Variants in CMSS1 observed in about 807,000 individuals in gnomAD.
The protein encoded by CMSS1 is protein CMSS1.
A neutral mutation model predicts 43.5 loss-of-function variants in CMSS1; 33 were observed. That is an observed-to-expected ratio of 0.76 (90% CI 0.57 to 1.01). The LOEUF is 1.01. CMSS1 is among the 50% of genes least tolerant of loss of function. CMSS1 has a pLI of 0.00. For missense variants in CMSS1, 313 were observed against 326.4 expected, an observed-to-expected ratio of 0.96 and a Z score of 0.32; for synonymous variants, 115 against 117.2, an observed-to-expected ratio of 0.98 and a Z score of 0.12.
chr3:99,980,919 A>G (rs576290789), intron 1 of CMSS1, among the ~76,000 whole-genome samples: 14 of 152,124 alleles, frequency 9.2e-5, no homozygotes, highest in Non-Finnish European at 1.3e-4. Context: ...AAACCCTTCA[A>G]TACTGGCTAT....
chr3:100,058,899 T>A (rs2065511222), intron 1 of CMSS1, among the ~76,000 whole-genome samples: 1 of 152,254 alleles, frequency 6.6e-6, no homozygotes, highest in South Asian at 2.1e-4. Flanking sequence ...TTTCTGATCT[T>A]CTAACTTAAC....
chr3:99,854,842 AT>A (rs748752970), intron 1 of CMSS1, among the ~76,000 whole-genome samples: 7 of 152,308 alleles, frequency 4.6e-5, no homozygotes, highest in Non-Finnish European at 1.0e-4. Flanking sequence ...CCTGAATTAC[AT>A]GTACACCTGG....
chr3:99,844,458 G>A (rs891912141), intron 1 of CMSS1, among the ~76,000 whole-genome samples: 1 of 152,134 alleles, frequency 6.6e-6, no homozygotes, highest in Non-Finnish European at 1.5e-5. Context: ...CCAGGGTATA[G>A]GAAAAAGCTA....
chr3:99,987,596 G>T (rs1297247505), intron 1 of CMSS1, among the ~76,000 whole-genome samples: 3 of 151,380 alleles, frequency 2.0e-5, no homozygotes, highest in South Asian at 4.2e-4. Context: ...AACTAAGGGA[G>T]TTTGAACCCT....
intron 1 of CMSS1, among the ~76,000 whole-genome samples, chr3:99,915,234 T>A (rs1466172321): frequency 6.6e-6 from 1 of 152,182 alleles, no homozygotes; most frequent in Non-Finnish European, 1.5e-5. Flanking sequence ...TGATGAGAGA[T>A]TAATGGAAAA....
At chr3:100,054,164 A>G (rs1037135935) in intron 1 of CMSS1, among the ~76,000 whole-genome samples, 1 of 152,206 alleles carries the variant, frequency 6.6e-6, no homozygotes, top group African/African-American at 2.4e-5. Flanking sequence ...TTCCTTAACC[A>G]AAGTTGCCAT....
At chr3:99,909,938 T>TTCCCATTTTATAGATGGAAG (rs1368114649) in intron 1 of CMSS1, among the ~76,000 whole-genome samples, 9 of 138,556 alleles carry the variant, frequency 6.5e-5, no homozygotes, top group East Asian at 4.0e-4. Context: ...AGAGCTGTTG[T>TTCCCATTTTATAGATGGAAG]CATCTGACCA....
chr3:99,913,125 A>G (rs752825762), intron 1 of CMSS1, among the ~76,000 whole-genome samples: 2 of 152,218 alleles, frequency 1.3e-5, no homozygotes, highest in Non-Finnish European at 2.9e-5. Context: ...GGCCCTTACC[A>G]GAATACTTCT....
At chr3:99,971,206 G>A (rs1201404782) in intron 1 of CMSS1, among the ~76,000 whole-genome samples, 1 of 152,132 alleles carries the variant, frequency 6.6e-6, no homozygotes, top group Non-Finnish European at 1.5e-5. Flanking sequence ...CGGGCCTGGT[G>A]GCAGATGCCT....
intron 1 of CMSS1, among the ~76,000 whole-genome samples, chr3:100,071,800 C>T (rs2065768168): frequency 6.6e-6 from 1 of 152,188 alleles, no homozygotes; most frequent in Non-Finnish European, 1.5e-5. Flanking sequence ...CTGCCCTGGT[C>T]CCTTTTCCTG....
chr3:99,819,303 G>T (rs1405212709), intron 1 of CMSS1, among the ~76,000 whole-genome samples: 1 of 152,142 alleles, frequency 6.6e-6, no homozygotes, highest in Non-Finnish European at 1.5e-5. Flanking sequence ...TCTATTTTAT[G>T]ATATGATTGA....
At chr3:100,119,244 A>T (rs1427900111) in intron 1 of CMSS1, among the ~76,000 whole-genome samples, 1 of 152,106 alleles carries the variant, frequency 6.6e-6, no homozygotes, top group African/African-American at 2.4e-5. Context: ...TTGTCTATTT[A>T]TTTTGTTTCT....
chr3:99,850,927 G>T (rs529875731), intron 1 of CMSS1: 58 of 1,614,008 alleles, frequency 3.6e-5, no homozygotes, highest in Admixed American at 8.3e-5. Context: ...GAGCTGTGCC[G>T]TCAGCCTTTG....
chr3:100,161,547 T>C (rs1389905915), intron 3 of CMSS1, among the ~76,000 whole-genome samples: 1 of 151,788 alleles, frequency 6.6e-6, no homozygotes, highest in African/African-American at 2.4e-5. Context: ...ATGAGGATAT[T>C]GTAGAAGGAG....
At chr3:99,999,939 ATAAAGGTATCTCTAGACT>A (rs1709794293) in intron 1 of CMSS1, among the ~76,000 whole-genome samples, 1 of 152,196 alleles carries the variant, frequency 6.6e-6, no homozygotes, top group Non-Finnish European at 1.5e-5. Flanking sequence ...TTGTGTTGAC[ATAAAGGTATCTCTAGACT>A]CTAGAACAGT....
chr3:99,822,280 T>G (rs1228810954), intron 1 of CMSS1, among the ~76,000 whole-genome samples: 2 of 152,180 alleles, frequency 1.3e-5, no homozygotes, highest in African/African-American at 4.8e-5. Flanking sequence ...TTCTTAGCAG[T>G]CTGTAACATT....
chr3:100,156,369 C>G (rs191170403), intron 2 of CMSS1, among the ~76,000 whole-genome samples: 1 of 128,910 alleles, frequency 7.8e-6, no homozygotes, highest in Non-Finnish European at 1.5e-5. Flanking sequence ...AGTTCAGTGA[C>G]GCAATCTTGG....
At chr3:100,019,575 T>G (rs1408730627) in intron 1 of CMSS1, among the ~76,000 whole-genome samples, 1 of 152,242 alleles carries the variant, frequency 6.6e-6, no homozygotes, top group Non-Finnish European at 1.5e-5. Context: ...TCTATTTTAA[T>G]GTATTTAAAG....
rs184831788 is a variant in CMSS1, at chr3:99,950,475, A to G, written c.64+132432A>G. 5.3e-5 allele frequency among the ~76,000 whole-genome samples: 8 copies of G among 152,214 alleles called. No individual in the cohort carries two copies. The East Asian group carries it at 9.6e-4, about 18-fold the overall frequency. ...ATGATGCACATGTCCTATTCCTGAG[A>G]TTTTTTCACTTCTTTATATTATCTT... On this transcript the variant is annotated intron_variant, in intron 1 of 9. Transcript: ENST00000421999.
Sources: allele counts gnomAD v4.1 joint callset (sites outside exome capture counted in the v4.1 genomes callset), GRCh38; gene constraint gnomAD v4.1.1; transcripts MANE v1.5; gene names NCBI Gene and HGNC (gene_info 2026-07-23, HGNC 2026-07-21).